PID1: variants seen among roughly 807,000 people sequenced by gnomAD.
The protein encoded by PID1 is phosphotyrosine interaction domain containing 1.
A neutral mutation model predicts 19.1 loss-of-function variants in PID1; 10 were observed. That is an observed-to-expected ratio of 0.52 (90% confidence interval 0.32 to 0.89). PID1 has a LOEUF of 0.89. Ranked by LOEUF, PID1 falls within the 40% of genes least tolerant of loss-of-function variation. The pLI, the probability that PID1 is intolerant of heterozygous loss-of-function variation, is 0.03. For missense variants in PID1, 248 were observed against 285.3 expected (o/e 0.87, Z 0.94); for synonymous variants, 130 against 116.0 (o/e 1.12, Z -0.78).
chr2:229,244,878 G>A (rs1689961352), intron 1 of PID1: 1 of 152,044 alleles, frequency 6.6e-6, no homozygotes, highest in African/African-American at 2.4e-5. Context: ...GCAGCATTAG[G>A]TATGACATCT....
intron 2 of PID1, among the ~76,000 whole-genome samples, chr2:229,106,066 C>T (rs115767830): frequency 0.019 from 1,550 of 83,114 alleles, 20 homozygotes; most frequent in Middle Eastern, 0.13. Context: ...GGCAACAGAG[C>T]GAGATTCCGT....
intron 1 of PID1, among the ~76,000 whole-genome samples, chr2:229,203,071 G>T (rs921977645): frequency 2.6e-5 from 4 of 151,996 alleles, no homozygotes; most frequent in African/African-American, 9.7e-5. Flanking sequence ...AGTCCTTTGG[G>T]GTACCGGTTA....
At chr2:229,240,721 T>G (rs890847832) in intron 1 of PID1, among the ~76,000 whole-genome samples, 1 of 152,178 alleles carries the variant, frequency 6.6e-6, no homozygotes, top group Non-Finnish European at 1.5e-5. Context: ...CACTTATGGT[T>G]TGCAAAGGTT....
chr2:229,127,510 A>T (rs1372864446), intron 2 of PID1, among the ~76,000 whole-genome samples: 1 of 152,174 alleles, frequency 6.6e-6, no homozygotes, highest in African/African-American at 2.4e-5. Context: ...AGAGGGGATC[A>T]GAGAAAAGGA....
At chr2:229,172,645 T>G (rs1690733786) in intron 1 of PID1, among the ~76,000 whole-genome samples, 1 of 152,206 alleles carries the variant, frequency 6.6e-6, no homozygotes, top group African/African-American at 2.4e-5. Flanking sequence ...AATCTCTTAA[T>G]TACCTCTGTA....
intron 1 of PID1, chr2:229,232,190 G>A (rs1406770728): frequency 1.7e-5 from 22 of 1,311,470 alleles, no homozygotes; most frequent in Admixed American, 9.4e-5. Context: ...CTGGGAGGCC[G>A]AGACAGTCAG....
In PID1 at chr2:229,040,057, A is replaced by C. The variant is rs188421166; in HGVS notation, c.178-13949T>G. On this transcript the variant is annotated intron_variant, in intron 2 of 2. Transcript: ENST00000392055. ...CATCTAATCTACTATTCCACGTGTG[A>C]AAAGGAGTGAGAAAGAGTATATGTA... is the stretch of plus-strand genomic sequence containing the variant. Among the ~76,000 whole-genome samples the C allele has an allele frequency of 3.5e-3, 530 of 152,088 alleles. 5 individuals carry two copies. The highest frequency in any genetic ancestry group is 1.7e-3 in the South Asian group (8 of 4,816).
At chr2:229,163,735 T>C (rs1328236101) in intron 1 of PID1, among the ~76,000 whole-genome samples, 3 of 151,632 alleles carry the variant, frequency 2.0e-5, no homozygotes, top group Non-Finnish European at 2.9e-5. Context: ...TGACTTGAAA[T>C]ACACACACAC....
chr2:229,051,246 G>T (rs1693989503), intron 2 of PID1, among the ~76,000 whole-genome samples: 1 of 152,108 alleles, frequency 6.6e-6, no homozygotes, highest in Non-Finnish European at 1.5e-5. Flanking sequence ...TAAACAAATA[G>T]AAAAATTTAA....
At chr2:229,053,087 C>T (rs1023754177) in intron 2 of PID1, among the ~76,000 whole-genome samples, 3 of 152,120 alleles carry the variant, frequency 2.0e-5, no homozygotes, top group African/African-American at 4.8e-5. Flanking sequence ...CACTTATAAA[C>T]GTAACCACTT....
intron 1 of PID1, among the ~76,000 whole-genome samples, chr2:229,200,609 C>T (rs774720821): frequency 2.0e-5 from 3 of 151,966 alleles, no homozygotes; most frequent in Middle Eastern, 3.2e-3. Context: ...CACTGAGCTC[C>T]CACTACGCTA....
At chr2:229,068,513 T>C (rs1694379662) in intron 2 of PID1, among the ~76,000 whole-genome samples, 1 of 152,084 alleles carries the variant, frequency 6.6e-6, no homozygotes, top group Non-Finnish European at 1.5e-5. Context: ...TCAATTAGGG[T>C]GTCAAGGTTC....
At position 229,167,283 on chromosome 2, in the gene PID1, A is replaced by T. The variant is rs370661563; in HGVS notation, c.31-11319T>A. 2.0e-4 allele frequency among the ~76,000 whole-genome samples: 30 copies of T among 152,288 alleles called. No homozygotes were observed. The South Asian group carries it at 5.0e-3, about 25-fold the overall frequency. ...TCTCAAAGAATCTTTCCAGAAGATAATTATTTTACAAAGAGAACTTTACTT... is the reference window on the plus strand; with the variant it reads ...TCTCAAAGAATCTTTCCAGAAGATATTTATTTTACAAAGAGAACTTTACTT... On this transcript the variant is annotated intron_variant, in intron 1 of 2. Transcript: ENST00000392055.
At chr2:229,095,274 A>G (rs1308789817) in intron 2 of PID1, among the ~76,000 whole-genome samples, 2 of 152,172 alleles carry the variant, frequency 1.3e-5, no homozygotes, top group African/African-American at 4.8e-5. Context: ...ATGAGGGAAA[A>G]ATGCTTAACA....
At chr2:229,028,739 C>A (rs1486046163) in intron 2 of PID1, among the ~76,000 whole-genome samples, 1 of 152,206 alleles carries the variant, frequency 6.6e-6, no homozygotes, top group Admixed American at 6.5e-5. Context: ...CTGGAGGCCA[C>A]TGTCTGAAGT....
chr2:229,067,973 G>T (rs1694365717), intron 2 of PID1, among the ~76,000 whole-genome samples: 1 of 152,172 alleles, frequency 6.6e-6, no homozygotes, highest in African/African-American at 2.4e-5. Context: ...AAGTCTCCAA[G>T]AGGTCTCCAT....
chr2:229,186,378 G>A (rs11691717), intron 1 of PID1, among the ~76,000 whole-genome samples: 135,625 of 152,232 alleles, frequency 0.89, 60,563 homozygotes, highest in African/African-American at 0.94. Flanking sequence ...CACCCCAGTA[G>A]GGACTTTGTG....
intron 2 of PID1, among the ~76,000 whole-genome samples, chr2:229,110,055 C>T (rs183483726): frequency 6.6e-6 from 1 of 152,202 alleles, no homozygotes; most frequent in South Asian, 2.1e-4. Context: ...TGGGCAGATG[C>T]CTGGACTCCC....
In PID1 at chr2:229,144,911, A is replaced by G. The variant is rs768198263; in HGVS notation, c.177+10907T>C. On this transcript the variant is annotated intron_variant, in intron 2 of 2. Coordinates refer to ENST00000392055, the MANE Select transcript of PID1 (RefSeq NM_001100818.2). ...ACAATTTAAAACTCAAGGGAAAAAA[A>G]TCACTTACAAGGAAAGTCTAGGTTT... 1.7e-4 allele frequency among the ~76,000 whole-genome samples: 26 copies of G among 152,006 alleles called. 1 individual carries two copies. Among genetic ancestry groups the G allele is most frequent in the Admixed American group, 1.3e-3 (20 of 15,250 alleles).
Sources: allele counts gnomAD v4.1 joint callset (sites outside exome capture counted in the v4.1 genomes callset), GRCh38; gene constraint gnomAD v4.1.1; transcripts MANE v1.5; gene names NCBI Gene and HGNC (gene_info 2026-07-23, HGNC 2026-07-21).